CYS1: variants seen among roughly 807,000 people sequenced by gnomAD.
CYS1 encodes the protein cystin 1, also known as cystin-1.
Under a neutral mutation model 9.6 loss-of-function variants are expected in CYS1, and 5 were observed. The observed-to-expected ratio is 0.52, with a 90% CI of 0.27 to 1.10. The LOEUF is 1.10. CYS1 is among the 50% of genes least tolerant of loss of function. The pLI is 0.11. For synonymous variants in CYS1, 88 were observed against 95.7 expected (o/e 0.92, Z 0.47); for missense variants, 221 against 207.9 (o/e 1.06, Z -0.39).
intron 1 of CYS1, among the ~76,000 whole-genome samples, chr2:10,078,138 AC>A (rs1295893637): frequency 6.6e-6 from 1 of 151,510 alleles, no homozygotes; most frequent in Admixed American, 6.6e-5. Flanking sequence ...GAAAAAAGAT[AC>A]ACACAGTTCA....
At chr2:10,074,231 G>A (rs181639664) in intron 1 of CYS1, among the ~76,000 whole-genome samples, 14 of 152,256 alleles carry the variant, frequency 9.2e-5, no homozygotes, top group Non-Finnish European at 1.3e-4. Flanking sequence ...GACAGCCCAC[G>A]GAAATTATCC....
intron 1 of CYS1, among the ~76,000 whole-genome samples, chr2:10,071,140 T>C (rs1377794615): frequency 6.6e-6 from 1 of 152,208 alleles, no homozygotes; most frequent in Non-Finnish European, 1.5e-5. Flanking sequence ...TAATTTTTTG[T>C]ATTTTTAGTA....
At chr2:10,073,216 C>A (rs34177759) in intron 1 of CYS1, among the ~76,000 whole-genome samples, 7 of 125,516 alleles carry the variant, frequency 5.6e-5, no homozygotes, top group Admixed American at 1.6e-4. Context: ...ACCGCCCCCC[C>A]CCCCCCCCCG....
rs1233864983 is a variant in CYS1, at chr2:10,056,920, C to A, written c.*1933G>T. On this transcript the variant is annotated 3_prime_UTR_variant, in exon 3 of 3. Transcript: ENST00000381813. ...AATTCAGGAAAAATTTTTTTAAAAA[C>A]CTGAGAACAATTCCTGTGACTTCTT... 1 of 152,226 alleles carries A rather than the reference C, an allele frequency of 6.6e-6. No individual in the cohort carries two copies. Among genetic ancestry groups the A allele is most frequent in the Admixed American group, 6.5e-5 (1 of 15,276 alleles). The allele number at this position is 152,226 out of a possible 1,614,324, so 9.4% of individuals were successfully genotyped here. A position where few individuals can be genotyped will look rare whatever the true frequency, so the allele number is the denominator to read the frequency against.
chr2:10,069,343 G>A (rs1195781625), intron 1 of CYS1, among the ~76,000 whole-genome samples: 1 of 151,920 alleles, frequency 6.6e-6, no homozygotes, highest in Non-Finnish European at 1.5e-5. Flanking sequence ...CTTTCTGGAG[G>A]AAAAAAAATT....
chr2:10,065,300 A>G (rs1466878367), intron 2 of CYS1, among the ~76,000 whole-genome samples: 1 of 152,212 alleles, frequency 6.6e-6, no homozygotes, highest in Non-Finnish European at 1.5e-5. Context: ...ATCTTACCTG[A>G]CAATCACCCA....
rs1475794149 is a variant in CYS1, at chr2:10,058,853, T to C, written c.477A>G (p.Ter159TrpextTer29). The change falls in exon 3 of 3, where the codon TGA (stop) becomes TGG (tryptophan). Residue 159 changes from the stop codon to tryptophan, a stop_lost. Coordinates refer to ENST00000381813, the MANE Select transcript of CYS1 (RefSeq NM_001037160.3). Reference sequence around the variant, plus strand: ...CTGGCGGGGGTGGAGCATGCTGTCCTCAGCGGCAGTACTCCCGCTCGATGC... The same window carrying C: ...CTGGCGGGGGTGGAGCATGCTGTCCCCAGCGGCAGTACTCCCGCTCGATGC... ...MASIEREYCR[*>W] 6.4e-7 allele frequency: 1 copy of C among 1,569,542 alleles called. No individual in the cohort carries two copies. The highest frequency in any genetic ancestry group is 1.2e-5 in the South Asian group (1 of 85,738).
At chr2:10,070,645 A>ATATT (rs995013328) in intron 1 of CYS1, among the ~76,000 whole-genome samples, 8 of 149,590 alleles carry the variant, frequency 5.3e-5, no homozygotes, top group Admixed American at 4.0e-4. Context: ...TGCGCCTGGC[A>ATATT]TATTTATTTA....
Position 10,065,345 on chromosome 2 carries a change from C to A in CYS1, c.371+559G>T, listed in dbSNP as rs1405075488. 2.0e-5 allele frequency among the ~76,000 whole-genome samples: 3 copies of A among 152,256 alleles called. No individual in the cohort carries two copies. The East Asian group carries it at 5.8e-4, about 29-fold the overall frequency. On this transcript the variant is annotated intron_variant, in intron 2 of 2. Coordinates refer to ENST00000381813, the MANE Select transcript of CYS1 (RefSeq NM_001037160.3). ...ACCCCTTGCCACATTAGCTGGAGGT[C>A]AGCAAGCCAAGGGGGTGACCGGCCT...
rs891361506 is a variant in CYS1 at position 10,080,356 on chromosome 2, G to A, written c.-133C>T. 9.2e-6 allele frequency: 4 copies of A among 436,950 alleles called. No homozygotes were observed. Among genetic ancestry groups the A allele is most frequent in the Non-Finnish European group, 1.2e-5 (4 of 327,162 alleles). 27.1% of individuals were successfully genotyped at this position (436,950 alleles called of 1,614,324 possible). On this transcript the variant is annotated 5_prime_UTR_variant, in exon 1 of 3. Transcript: ENST00000381813. The surrounding 1 kb of genome is among the most constrained non-coding windows in gnomAD (Gnocchi z 6.4). ...GGGGCGAGGTCCGGGAAGCGACCGC[G>A]GCCAGGGGCTAGGGTTCCCGGGCGG...
At position 10,063,318 on chromosome 2, in the gene CYS1, A is replaced by C. The variant is rs562928421; in HGVS notation, c.371+2586T>G. On this transcript the variant is annotated intron_variant, in intron 2 of 2. Coordinates refer to ENST00000381813, the MANE Select transcript of CYS1 (RefSeq NM_001037160.3). This position sits in a 1 kb window ranked among gnomAD's most constrained non-coding sequence, Gnocchi z 4.2. ...CATGTGGGAGGGGCTGGGAAGTTGC[A>C]CCATGCGGGAGGAGGGACACTAGTT... Among the ~76,000 whole-genome samples, 1 of 152,090 alleles carries C rather than the reference A, an allele frequency of 6.6e-6. No homozygotes were observed. The highest frequency in any genetic ancestry group is 1.5e-5 in the Non-Finnish European group (1 of 67,992).
At chr2:10,078,496 C>A (rs1388146157) in intron 1 of CYS1, among the ~76,000 whole-genome samples, 1 of 152,246 alleles carries the variant, frequency 6.6e-6, no homozygotes, top group Non-Finnish European at 1.5e-5. Context: ...GACCCATGCC[C>A]TGGGCACCAG....
chr2:10,077,413 A>G (rs997666142), intron 1 of CYS1, among the ~76,000 whole-genome samples: 2 of 152,272 alleles, frequency 1.3e-5, no homozygotes. Context: ...GCTTAAAAGA[A>G]TAACTTTCAC....
chr2:10,060,996 C>T (rs563539458), intron 2 of CYS1, among the ~76,000 whole-genome samples: 6 of 152,260 alleles, frequency 3.9e-5, no homozygotes, highest in South Asian at 2.1e-4. Context: ...TTTGGGAGGC[C>T]GAGGCAGGTG....
chr2:10,078,088 A>G (rs142778757), intron 1 of CYS1, among the ~76,000 whole-genome samples: 37 of 147,650 alleles, frequency 2.5e-4, no homozygotes, highest in African/African-American at 7.8e-4. Flanking sequence ...CCTGGGCAAC[A>G]GAGTGAAACT....
In CYS1 at chr2:10,073,734, T is replaced by C. The variant is rs184634013; in HGVS notation, c.318+6172A>G. ...GCCCCAGCCCTATGGGACTCAAAGCTCCAAGGTTAAGAGCTCTTGGTCAGC... is the reference window on the plus strand; with the variant it reads ...GCCCCAGCCCTATGGGACTCAAAGCCCCAAGGTTAAGAGCTCTTGGTCAGC... On this transcript the variant is annotated intron_variant, in intron 1 of 2. Transcript: ENST00000381813. 5.6e-3 allele frequency among the ~76,000 whole-genome samples: 859 copies of C among 152,162 alleles called. 7 individuals carry two copies. Among genetic ancestry groups the C allele is most frequent in the Non-Finnish European group, 6.6e-3 (450 of 67,994 alleles).
At chr2:10,079,843 G>C (rs1217169453) in intron 1 of CYS1, 63 bp downstream of exon 1, 1 of 1,005,808 alleles carries the variant, frequency 9.9e-7, no homozygotes, top group East Asian at 6.1e-5. Flanking sequence ...GCTGGGGCGG[G>C]GACGCGCGGC....
intron 1 of CYS1, among the ~76,000 whole-genome samples, chr2:10,066,513 C>T (rs1457514001): frequency 6.6e-6 from 1 of 152,262 alleles, no homozygotes; most frequent in Admixed American, 6.5e-5. Context: ...GACGTGTCTA[C>T]ACAGCATGTG....
intron 2 of CYS1, among the ~76,000 whole-genome samples, chr2:10,062,813 C>T (rs144424919): frequency 3.0e-4 from 46 of 152,336 alleles, no homozygotes; most frequent in Admixed American, 5.9e-4. Context: ...TCACCAATAC[C>T]GTAATGTGTC....
Sources: gnomAD v4.1 joint callset for allele counts (sites outside exome capture counted in the v4.1 genomes callset) on GRCh38, gnomAD v4.1.1 for gene constraint, Gnocchi (gnomAD v3.1) non-coding constraint, MANE v1.5 for transcripts, NCBI Gene and HGNC (gene_info 2026-07-23, HGNC 2026-07-21) for gene names.